RALGAPA2: variants seen among roughly 807,000 people sequenced by gnomAD.
The protein encoded by RALGAPA2 is Ral GTPase activating protein catalytic subunit alpha 2.
Under a neutral mutation model 230.4 loss-of-function variants are expected in RALGAPA2, and 139 were observed. The ratio of observed to expected loss-of-function variants is 0.60; its 90% confidence interval spans 0.53 to 0.69. The LOEUF (loss-of-function observed/expected upper bound fraction) is 0.69. Among genes scored for constraint, RALGAPA2 ranks in the 30% least tolerant of loss-of-function variants. The pLI, the probability that RALGAPA2 is intolerant of heterozygous loss-of-function variation, is 0.00. For missense variants in RALGAPA2, 2,163 were observed against 2,276.0 expected, an observed-to-expected ratio of 0.95 and a Z score of 1.01; for synonymous variants, 847 against 837.8, an observed-to-expected ratio of 1.01 and a Z score of -0.19.
intron 37 of RALGAPA2, among the ~76,000 whole-genome samples, chr20:20,459,775 C>T (rs1488067846): frequency 2.0e-5 from 3 of 152,162 alleles, no homozygotes; most frequent in Admixed American, 6.5e-5. Flanking sequence ...AGATGACACA[C>T]ACGTGAAGAG....
At position 20,479,990 on chromosome 20, in the gene RALGAPA2, A is replaced by G. The variant is rs1039852745; in HGVS notation, c.5368-7034T>C. Among the ~76,000 whole-genome samples, 28 of 152,252 alleles carry G rather than the reference A, an allele frequency of 1.8e-4. 1 individual carries two copies. The highest frequency in any genetic ancestry group is 1.3e-4 in the Admixed American group (2 of 15,284). ...TCCACCAGCAACAAATGGTTAGAAAAGGAAATATTATTTACAACAGCATAA... is the reference window on the plus strand; with the variant it reads ...TCCACCAGCAACAAATGGTTAGAAAGGGAAATATTATTTACAACAGCATAA... On this transcript the variant is annotated intron_variant, in intron 36 of 39. Coordinates refer to ENST00000202677, the MANE Select transcript of RALGAPA2 (RefSeq NM_020343.4).
intron 33 of RALGAPA2, among the ~76,000 whole-genome samples, chr20:20,506,661 AT>A (rs143094531): frequency 0.011 from 1,676 of 152,172 alleles, 25 homozygotes; most frequent in African/African-American, 0.038. Context: ...ATACAGAAAT[AT>A]TTTTTCTGTC....
chr20:20,602,909 T>G (rs1158333453), intron 15 of RALGAPA2, among the ~76,000 whole-genome samples: 7 of 152,112 alleles, frequency 4.6e-5, no homozygotes, highest in Admixed American at 4.6e-4. Context: ...CCTTATCTCC[T>G]ATTTCAGCTC....
chr20:20,485,068 T>G (rs1176152367), intron 36 of RALGAPA2, among the ~76,000 whole-genome samples: 2 of 152,188 alleles, frequency 1.3e-5, no homozygotes, highest in Non-Finnish European at 2.9e-5. Context: ...TTTGCAATTT[T>G]TTTTAAGGTC....
intron 36 of RALGAPA2, among the ~76,000 whole-genome samples, chr20:20,477,788 A>G (rs979806566): frequency 6.6e-6 from 1 of 152,078 alleles, no homozygotes; most frequent in East Asian, 1.9e-4. Context: ...GGGTTTCACC[A>G]TGTTGGCCTG....
At chr20:20,699,054 T>C (rs2069235930) in intron 1 of RALGAPA2, among the ~76,000 whole-genome samples, 1 of 152,264 alleles carries the variant, frequency 6.6e-6, no homozygotes, top group Non-Finnish European at 1.5e-5. Context: ...CTTATGGGTC[T>C]TGGCATTTGT....
At chr20:20,553,619 G>A (rs1227559812) in intron 23 of RALGAPA2, among the ~76,000 whole-genome samples, 1 of 152,134 alleles carries the variant, frequency 6.6e-6, no homozygotes, top group Non-Finnish European at 1.5e-5. Context: ...CCATGAAGAA[G>A]ACACTGAATG....
intron 38 of RALGAPA2, among the ~76,000 whole-genome samples, 173 bp downstream of exon 38, chr20:20,411,854 G>T (rs1010421966): frequency 2.6e-5 from 4 of 152,154 alleles, no homozygotes; most frequent in Admixed American, 2.6e-4. Flanking sequence ...TGAACAGCTC[G>T]AATACAAAAC....
rs201156253 is a variant in RALGAPA2 at position 20,468,965 on chromosome 20, G to T, written c.5495+3864C>A. On this transcript the variant is annotated intron_variant, in intron 37 of 39. Transcript: ENST00000202677. ...CCTGTGTGTGTGTGTGTGTGTGTTT[G>T]TGTGTGTGTGTGTGTGTGTGTGTGT... 1.2e-3 allele frequency among the ~76,000 whole-genome samples: 163 copies of T among 140,850 alleles called. 1 individual carries two copies. The highest frequency in any genetic ancestry group is 1.1e-3 in the African/African-American group (37 of 35,224). The allele number at this position is 140,850 out of a possible 152,430, so 92.4% of individuals were successfully genotyped here.
chr20:20,603,210 C>T (rs1273484903), intron 15 of RALGAPA2, among the ~76,000 whole-genome samples: 1 of 152,206 alleles, frequency 6.6e-6, no homozygotes, highest in Non-Finnish European at 1.5e-5. Context: ...GTTAGAAAAT[C>T]ATTGCATTAG....
At chr20:20,616,850 T>A (rs2066160873) in intron 12 of RALGAPA2, among the ~76,000 whole-genome samples, 1 of 152,146 alleles carries the variant, frequency 6.6e-6, no homozygotes. Flanking sequence ...AAGCTGAGAT[T>A]TCAAAAACAA....
chr20:20,458,601 T>C (rs2061195640), intron 37 of RALGAPA2, among the ~76,000 whole-genome samples: 1 of 135,758 alleles, frequency 7.4e-6, no homozygotes, highest in Admixed American at 7.9e-5. Context: ...AAGAAATATA[T>C]GAGCTGTACT....
At chr20:20,700,733 T>C (rs1327046386) in intron 1 of RALGAPA2, among the ~76,000 whole-genome samples, 1 of 152,234 alleles carries the variant, frequency 6.6e-6, no homozygotes, top group Non-Finnish European at 1.5e-5. Context: ...AGTCCTTTCT[T>C]ATATCTATTC....
At chr20:20,581,963 A>G (rs1263666381) in intron 20 of RALGAPA2, among the ~76,000 whole-genome samples, 1 of 152,168 alleles carries the variant, frequency 6.6e-6, no homozygotes, top group Non-Finnish European at 1.5e-5. Context: ...CTGTGTGTGA[A>G]CATGAATGTG....
chr20:20,441,222 C>T (rs1229665625), intron 37 of RALGAPA2, among the ~76,000 whole-genome samples: 3 of 152,228 alleles, frequency 2.0e-5, no homozygotes, highest in East Asian at 3.8e-4. Flanking sequence ...CATATTTTGG[C>T]ATGAATTTAC....
At chr20:20,653,386 G>A in intron 4 of RALGAPA2, 144 bp downstream of exon 4, 1 of 555,612 alleles carries the variant, frequency 1.8e-6, no homozygotes, top group Non-Finnish European at 3.3e-6. Flanking sequence ...GGTTGAACTT[G>A]TCTTGGTTTT....
intron 37 of RALGAPA2, chr20:20,471,891 C>G (rs984553956): frequency 2.6e-5 from 4 of 152,132 alleles, no homozygotes; most frequent in Admixed American, 2.6e-4. Flanking sequence ...TGAACCGTAT[C>G]TATTCACATG....
At chr20:20,591,397 A>C (rs1013824321) in intron 16 of RALGAPA2, 83 bp from the exon 17 acceptor site, 10 of 1,421,352 alleles carry the variant, frequency 7.0e-6, no homozygotes, top group South Asian at 1.3e-5. Context: ...CGATTTAAAA[A>C]ATAAAGTTTC....
chr20:20,552,995 C>T (rs1364980183), intron 23 of RALGAPA2, among the ~76,000 whole-genome samples: 1 of 152,100 alleles, frequency 6.6e-6, no homozygotes, highest in Non-Finnish European at 1.5e-5. Context: ...CAGAGCACGG[C>T]GCCAATACTT....
Sources: allele counts gnomAD v4.1 joint callset (sites outside exome capture counted in the v4.1 genomes callset), GRCh38; gene constraint gnomAD v4.1.1; transcripts MANE v1.5; gene names NCBI Gene and HGNC (gene_info 2026-07-23, HGNC 2026-07-21).